PCSK5: variants seen among roughly 807,000 people sequenced by gnomAD.
PCSK5 encodes prohormone convertase 5.
In PCSK5, 129 loss-of-function variants were observed where a neutral mutation model predicts 233.2. That is an observed-to-expected ratio of 0.55 (90% CI 0.48 to 0.64). PCSK5 has a LOEUF of 0.64. Ranked by LOEUF, PCSK5 falls within the 30% of genes least tolerant of loss-of-function variation. The pLI is 0.00. For missense variants in PCSK5, 2,076 were observed against 2,430.1 expected, an observed-to-expected ratio of 0.85 and a Z score of 3.06; for synonymous variants, 825 against 879.2, an observed-to-expected ratio of 0.94 and a Z score of 1.09.
chr9:76,097,394 G>GGA (rs1831578819), intron 8 of PCSK5, among the ~76,000 whole-genome samples: 1 of 151,440 alleles, frequency 6.6e-6, no homozygotes, highest in Non-Finnish European at 1.5e-5. Context: ...CGAGTAGCTG[G>GGA]GACTACAGGC....
chr9:75,926,700 C>T (rs750137782), intron 1 of PCSK5, among the ~76,000 whole-genome samples: 14 of 152,170 alleles, frequency 9.2e-5, no homozygotes, highest in South Asian at 2.1e-4. Context: ...ATGGTATGCA[C>T]GTTTTTGTGT....
At chr9:76,243,597 T>C (rs1826491848) in intron 24 of PCSK5, among the ~76,000 whole-genome samples, 1 of 152,194 alleles carries the variant, frequency 6.6e-6, no homozygotes, top group Non-Finnish European at 1.5e-5. Flanking sequence ...ATAGAATAAA[T>C]TCTCCCTTTT....
intron 3 of PCSK5, among the ~76,000 whole-genome samples, chr9:76,004,976 TAAG>T (rs1211863732): frequency 6.6e-6 from 1 of 152,234 alleles, no homozygotes; most frequent in African/African-American, 2.4e-5. Context: ...CAGACAGAGC[TAAG>T]AAGATATATC....
At chr9:76,030,779 T>TC (rs1478412072) in intron 5 of PCSK5, among the ~76,000 whole-genome samples, 2 of 151,270 alleles carry the variant, frequency 1.3e-5, no homozygotes, top group Non-Finnish European at 3.0e-5. Context: ...CTTTTTTTTT[T>TC]CCTTAAGGAT....
At chr9:76,274,997 A>T (rs750024652) in intron 24 of PCSK5, among the ~76,000 whole-genome samples, 19 of 152,008 alleles carry the variant, frequency 1.2e-4, no homozygotes, top group Non-Finnish European at 2.1e-4. Context: ...TAAAGCAAGA[A>T]CTCACTCATT....
At chr9:75,890,148 G>A (rs1825507420), upstream of PCSK5, among the ~76,000 whole-genome samples, 1 of 152,226 alleles carries the variant, frequency 6.6e-6, no homozygotes, top group Admixed American at 6.5e-5. Context: ...GCCAATTCTA[G>A]GAGTCGATGC....
At chr9:76,019,879 C>T (rs192846972) in intron 3 of PCSK5, among the ~76,000 whole-genome samples, 1 of 152,316 alleles carries the variant, frequency 6.6e-6, no homozygotes. Flanking sequence ...GGATATTTTC[C>T]ATTTTATGTG....
At chr9:76,139,563 C>A (rs1474943496) in intron 10 of PCSK5, among the ~76,000 whole-genome samples, 1 of 151,990 alleles carries the variant, frequency 6.6e-6, no homozygotes, top group Non-Finnish European at 1.5e-5. Flanking sequence ...TGAGGCCCTT[C>A]CTACTTGAAA....
rs1457584313 is a variant in PCSK5 at position 75,908,868 on chromosome 9, T to TA, written c.192+17495_192+17496insA. Among the ~76,000 whole-genome samples, 601 of 140,076 alleles carry TA rather than the reference T, an allele frequency of 4.3e-3. 1 individual carries two copies. The highest frequency in any genetic ancestry group is 7.9e-3 in the African/African-American group (285 of 35,892). The allele number at this position is 140,076 out of a possible 152,430, so 91.9% of individuals were successfully genotyped here. On this transcript the variant is annotated intron_variant, in intron 1 of 37. Coordinates refer to ENST00000674117, the MANE Select transcript of PCSK5 (RefSeq NM_001372043.1). ...CATCCGCCATCCATGCATCCTTCTCTTTCTATTTATCTATCTATCTATCTA... is the reference window on the plus strand; with the variant it reads ...CATCCGCCATCCATGCATCCTTCTCTATTCTATTTATCTATCTATCTATCTA...
At chr9:76,289,543 C>T in intron 24 of PCSK5, among the ~76,000 whole-genome samples, 1 of 150,314 alleles carries the variant, frequency 6.7e-6, no homozygotes, top group Non-Finnish European at 1.5e-5. Context: ...CACACACACA[C>T]ACACTAGAAG....
At chr9:76,257,659 G>A (rs1307518886) in intron 24 of PCSK5, among the ~76,000 whole-genome samples, 9 of 152,272 alleles carry the variant, frequency 5.9e-5, no homozygotes, top group Non-Finnish European at 1.0e-4. Flanking sequence ...GGGACTAAAC[G>A]CTGCGGCAAG....
At chr9:76,058,815 A>G (rs1013221192) in intron 5 of PCSK5, among the ~76,000 whole-genome samples, 3 of 152,196 alleles carry the variant, frequency 2.0e-5, no homozygotes, top group Non-Finnish European at 4.4e-5. Context: ...AGACTATCAG[A>G]ATTAACCAGG....
At chr9:76,187,524 G>A (rs545507452) in intron 17 of PCSK5, among the ~76,000 whole-genome samples, 2 of 152,060 alleles carry the variant, frequency 1.3e-5, no homozygotes, top group Non-Finnish European at 2.9e-5. Context: ...ACCATGCCTA[G>A]CAATTTTTTT....
chr9:76,170,660 CT>C (rs936661061), intron 13 of PCSK5, among the ~76,000 whole-genome samples: 26 of 152,328 alleles, frequency 1.7e-4, no homozygotes, highest in African/African-American at 5.8e-4. Flanking sequence ...GTCCAGTCCT[CT>C]TTAGAAGAAC....
intron 5 of PCSK5, among the ~76,000 whole-genome samples, chr9:76,064,173 C>T (rs1277403359): frequency 2.1e-4 from 26 of 123,190 alleles, no homozygotes; most frequent in East Asian, 1.7e-3. Flanking sequence ...GGCGGCTGGC[C>T]AGGCGGGGGG....
At chr9:76,322,640 G>A (rs1829240821) in intron 31 of PCSK5, among the ~76,000 whole-genome samples, 1 of 152,206 alleles carries the variant, frequency 6.6e-6, no homozygotes, top group African/African-American at 2.4e-5. Flanking sequence ...TGAATGAAAA[G>A]TTAACTAATC....
chr9:76,149,655 T>C (rs1413157818), intron 10 of PCSK5, among the ~76,000 whole-genome samples: 1 of 152,144 alleles, frequency 6.6e-6, no homozygotes, highest in Non-Finnish European at 1.5e-5. Context: ...AAGGCCCTTG[T>C]AGTACATTTT....
intron 2 of PCSK5, among the ~76,000 whole-genome samples, chr9:75,940,976 C>G (rs1252177265): frequency 6.6e-6 from 1 of 152,164 alleles, no homozygotes; most frequent in Non-Finnish European, 1.5e-5. Context: ...ACATGGCTTA[C>G]ATTTCTGCCA....
intron 20 of PCSK5, among the ~76,000 whole-genome samples, chr9:76,201,888 A>G (rs1204236396): frequency 6.6e-6 from 1 of 152,212 alleles, no homozygotes; most frequent in Non-Finnish European, 1.5e-5. Context: ...TATTGGGAAC[A>G]TTAGAAGAAA....
Sources: allele counts gnomAD v4.1 joint callset (sites outside exome capture counted in the v4.1 genomes callset), GRCh38; gene constraint gnomAD v4.1.1; transcripts MANE v1.5; gene names NCBI Gene and HGNC (gene_info 2026-07-23, HGNC 2026-07-21).